Variants in PTPRT observed in about 807,000 individuals in gnomAD.
PTPRT encodes the protein protein tyrosine phosphatase receptor type T, also known as receptor-type tyrosine-protein phosphatase T.
A neutral mutation model predicts 176.8 loss-of-function variants in PTPRT; 56 were observed. The observed-to-expected ratio is 0.32, with a 90% confidence interval of 0.26 to 0.40. The LOEUF (loss-of-function observed/expected upper bound fraction) is 0.40, where lower values mean the gene tolerates loss of function less well. PTPRT is among the 10% of genes least tolerant of loss of function. The pLI is 1.00. For synonymous variants in PTPRT, 783 were observed against 739.0 expected (o/e 1.06, Z -0.96); for missense variants, 1,540 against 1,908.2 (o/e 0.81, Z 3.60).
intron 1 of PTPRT, among the ~76,000 whole-genome samples, chr20:43,136,140 G>C (rs1183862911): frequency 6.6e-6 from 1 of 152,208 alleles, no homozygotes; most frequent in Non-Finnish European, 1.5e-5. Flanking sequence ...CACCTGAGCA[G>C]CTGCAGCCCG....
intron 1 of PTPRT, among the ~76,000 whole-genome samples, chr20:42,919,395 G>C (rs73910624): frequency 0.04 from 6,040 of 152,258 alleles, 308 homozygotes; most frequent in African/African-American, 0.12. Flanking sequence ...TCTACAGATG[G>C]ATGACAATGG....
intron 17 of PTPRT, among the ~76,000 whole-genome samples, chr20:42,160,125 G>A (rs373290308): frequency 2.0e-5 from 3 of 151,458 alleles, no homozygotes; most frequent in East Asian, 1.9e-4. Context: ...TGGGGCACAC[G>A]CTGCATGTGA....
chr20:42,174,251 A>G (rs1990192773), intron 16 of PTPRT, among the ~76,000 whole-genome samples: 1 of 152,190 alleles, frequency 6.6e-6, no homozygotes, highest in Admixed American at 6.5e-5. Context: ...AGCATAAATA[A>G]TAAAGAAAGG....
At chr20:42,554,325 C>T (rs1258642292) in intron 7 of PTPRT, among the ~76,000 whole-genome samples, 1 of 152,122 alleles carries the variant, frequency 6.6e-6, no homozygotes, top group African/African-American at 2.4e-5. Flanking sequence ...ACTTAAGCTT[C>T]GTGCATTAAT....
rs11475514 is a variant in PTPRT, at chr20:42,942,497, TG to T, written c.89-56566del. Among the ~76,000 whole-genome samples, 512 of 152,334 alleles carry T rather than the reference TG, an allele frequency of 3.4e-3. 4 individuals are homozygous for T. The highest frequency in any genetic ancestry group is 0.011 in the African/African-American group (474 of 41,574). ...TACACTTCACATTCATAGCCTTTATTGTTTTTGTAATTGTCTAGATGTTTAT... is the reference window on the plus strand; with the variant it reads ...TACACTTCACATTCATAGCCTTTATTTTTTTGTAATTGTCTAGATGTTTAT... On this transcript the variant is annotated intron_variant, in intron 1 of 30. Transcript: ENST00000373187.
chr20:42,169,709 G>A (rs1031548733), intron 16 of PTPRT, among the ~76,000 whole-genome samples: 1 of 149,878 alleles, frequency 6.7e-6, no homozygotes. Context: ...TAAGGAAAGT[G>A]ATAGCCTGGA....
chr20:42,906,135 A>T (rs904105798), intron 1 of PTPRT, among the ~76,000 whole-genome samples: 5 of 152,190 alleles, frequency 3.3e-5, no homozygotes, highest in African/African-American at 1.2e-4. Flanking sequence ...CTGGACGTCC[A>T]GAGGAACACA....
At chr20:42,488,178 T>A (rs1257055974) in intron 7 of PTPRT, among the ~76,000 whole-genome samples, 1 of 152,158 alleles carries the variant, frequency 6.6e-6, no homozygotes, top group Non-Finnish European at 1.5e-5. Context: ...TTCTTACTCA[T>A]CACTGTCAGA....
intron 7 of PTPRT, among the ~76,000 whole-genome samples, chr20:42,581,412 C>G (rs780480327): frequency 6.6e-6 from 1 of 152,036 alleles, no homozygotes; most frequent in African/African-American, 2.4e-5. Flanking sequence ...AGCACCATGA[C>G]GGAAACGATT....
chr20:42,350,092 G>A (rs2145510370), intron 11 of PTPRT, among the ~76,000 whole-genome samples: 1 of 151,992 alleles, frequency 6.6e-6, no homozygotes, highest in African/African-American at 2.4e-5. Context: ...GTGACACAAA[G>A]AAAAGTGACC....
intron 9 of PTPRT, among the ~76,000 whole-genome samples, chr20:42,357,766 T>C (rs2058377471): frequency 6.6e-6 from 1 of 152,058 alleles, no homozygotes; most frequent in Admixed American, 6.6e-5. Flanking sequence ...TTTAAAAAAC[T>C]AGCTGGGCAT....
intron 7 of PTPRT, among the ~76,000 whole-genome samples, chr20:42,636,185 C>G (rs13044423): frequency 0.1 from 15,355 of 152,036 alleles, 981 homozygotes; most frequent in Non-Finnish European, 0.15. Context: ...GTTGCCCAAG[C>G]CCTGGCATTC....
At chr20:42,874,707 T>G (rs943638551) in intron 2 of PTPRT, among the ~76,000 whole-genome samples, 4 of 152,212 alleles carry the variant, frequency 2.6e-5, no homozygotes, top group Non-Finnish European at 4.4e-5. Flanking sequence ...AGTTTCCTCC[T>G]CTTTAAAATA....
At chr20:42,848,729 T>C (rs896415635) in intron 2 of PTPRT, among the ~76,000 whole-genome samples, 1 of 152,210 alleles carries the variant, frequency 6.6e-6, no homozygotes, top group South Asian at 2.1e-4. Flanking sequence ...GTTGGATGTA[T>C]AGATGGCAAA....
chr20:42,870,954 C>CCTT (rs2078834925), intron 2 of PTPRT, among the ~76,000 whole-genome samples: 1 of 140,428 alleles, frequency 7.1e-6, no homozygotes, highest in African/African-American at 2.6e-5. Context: ...ATTTTCTTTT[C>CCTT]TTTTTTTTTT....
chr20:43,020,735 T>A (rs1486006199), intron 1 of PTPRT, among the ~76,000 whole-genome samples: 5 of 152,018 alleles, frequency 3.3e-5, no homozygotes, highest in African/African-American at 1.2e-4. Context: ...TGTTTTGAGG[T>A]TTTCAAGGCC....
chr20:43,013,659 C>T (rs146744784), intron 1 of PTPRT, among the ~76,000 whole-genome samples: 1 of 152,268 alleles, frequency 6.6e-6, no homozygotes, highest in African/African-American at 2.4e-5. Flanking sequence ...GATAAGCACT[C>T]CTTGAAGAAG....
intron 8 of PTPRT, among the ~76,000 whole-genome samples, chr20:42,471,551 C>T (rs1452902097): frequency 1.3e-5 from 2 of 152,130 alleles, no homozygotes; most frequent in African/African-American, 4.8e-5. Flanking sequence ...TATGTCAGTG[C>T]TATGCTTTCT....
chr20:42,116,392 A>G (rs899292352), intron 21 of PTPRT, among the ~76,000 whole-genome samples: 57 of 152,318 alleles, frequency 3.7e-4, no homozygotes, highest in Non-Finnish European at 7.2e-4. Context: ...GGTATAGTGC[A>G]ACAGAGCATG....
Sources: allele counts gnomAD v4.1 joint callset (sites outside exome capture counted in the v4.1 genomes callset), GRCh38; gene constraint gnomAD v4.1.1; transcripts MANE v1.5; gene names NCBI Gene and HGNC (gene_info 2026-07-23, HGNC 2026-07-21).